Variants in TMEM242 observed in about 807,000 individuals in gnomAD.
TMEM242 encodes transmembrane protein 242.
In TMEM242, 10 loss-of-function variants were observed where a neutral mutation model predicts 18.2. That is an observed-to-expected ratio of 0.55 (90% CI 0.34 to 0.93). The LOEUF (loss-of-function observed/expected upper bound fraction) is 0.93, where lower values mean the gene tolerates loss of function less well. Ranked by LOEUF, TMEM242 falls within the 40% of genes least tolerant of loss-of-function variation. TMEM242 has a pLI of 0.02. For missense variants in TMEM242, 186 were observed against 175.5 expected, an observed-to-expected ratio of 1.06 and a Z score of -0.34; for synonymous variants, 57 against 69.9, an observed-to-expected ratio of 0.81 and a Z score of 0.92.
At chr6:157,317,848 G>A (rs1778432594) in intron 3 of TMEM242, among the ~76,000 whole-genome samples, 1 of 152,126 alleles carries the variant, frequency 6.6e-6, no homozygotes, top group African/African-American at 2.4e-5. Context: ...AATCTTTGCT[G>A]ACTTGACCTT....
intron 3 of TMEM242, among the ~76,000 whole-genome samples, chr6:157,297,015 C>T (rs1252313723): frequency 6.6e-6 from 1 of 152,182 alleles, no homozygotes; most frequent in Non-Finnish European, 1.5e-5. Flanking sequence ...ATGTTATTCT[C>T]GTTCACATTT....
rs1386879414 is a variant in TMEM242 at position 157,289,095 on chromosome 6, G to A, written c.*3806C>T. On this transcript the variant is annotated 3_prime_UTR_variant, in exon 4 of 4. Coordinates refer to ENST00000400788, the MANE Select transcript of TMEM242 (RefSeq NM_018452.6). ...GTAAGGGATCATGCCTCATCAAACAGTAATGAAACAAAGGCCTCGAGCCAG... is the reference window on the plus strand; with the variant it reads ...GTAAGGGATCATGCCTCATCAAACAATAATGAAACAAAGGCCTCGAGCCAG... Among the ~76,000 whole-genome samples, 2 of 148,074 alleles carry A rather than the reference G, an allele frequency of 1.4e-5. No homozygotes were observed. The highest frequency in any genetic ancestry group is 3.0e-5 in the Non-Finnish European group (2 of 67,536).
chr6:157,317,969 T>C (rs1485266896), intron 3 of TMEM242, among the ~76,000 whole-genome samples: 1 of 152,188 alleles, frequency 6.6e-6, no homozygotes, highest in Non-Finnish European at 1.5e-5. Context: ...TCCAACCAGT[T>C]GTTTAAAAAA....
chr6:157,289,369 A>G lies in TMEM242; in HGVS notation c.*3532T>C, dbSNP rs782663708. ...GCCTTGGGCAATTAATCCTGATAAC[A>G]CCAAGAGAGACCCAAATACTTGCTA... On this transcript the variant is annotated 3_prime_UTR_variant, in exon 4 of 4. Coordinates refer to ENST00000400788, the MANE Select transcript of TMEM242 (RefSeq NM_018452.6). The G allele has an allele frequency of 6.6e-6, 1 of 152,204 alleles. No individual in the cohort carries two copies. Among genetic ancestry groups the G allele is most frequent in the Non-Finnish European group, 1.5e-5 (1 of 68,036 alleles). The allele number at this position is 152,204 out of a possible 1,614,324, so 9.4% of individuals were successfully genotyped here.
intron 3 of TMEM242, chr6:157,299,753 G>A: frequency 8.1e-6 from 13 of 1,601,474 alleles, no homozygotes; most frequent in Non-Finnish European, 1.1e-5. Flanking sequence ...GGAGTTTGCT[G>A]TGACAAGGTA....
At chr6:157,308,305 C>A (rs1777943170) in intron 3 of TMEM242, among the ~76,000 whole-genome samples, 1 of 152,042 alleles carries the variant, frequency 6.6e-6, no homozygotes, top group African/African-American at 2.4e-5. Flanking sequence ...AGCAAGGAGC[C>A]AAAAGAAATT....
intron 3 of TMEM242, among the ~76,000 whole-genome samples, chr6:157,295,987 A>G (rs782440500): frequency 5.9e-5 from 9 of 152,228 alleles, no homozygotes; most frequent in Non-Finnish European, 1.2e-4. Context: ...GTTTCCACCT[A>G]TATCAATTTC....
chr6:157,299,305 T>A (rs1777793917), intron 3 of TMEM242: 1 of 815,128 alleles, frequency 1.2e-6, no homozygotes, highest in African/African-American at 1.7e-5. Flanking sequence ...TCATAGGCAC[T>A]AGCAATCACT....
chr6:157,317,184 C>G (rs1554250414), intron 3 of TMEM242, among the ~76,000 whole-genome samples: 2 of 152,162 alleles, frequency 1.3e-5, no homozygotes, highest in African/African-American at 4.8e-5. Flanking sequence ...GACCCCATTT[C>G]CTTCCTTCAC....
intron 3 of TMEM242, among the ~76,000 whole-genome samples, chr6:157,297,768 A>G (rs1228711837): frequency 6.6e-6 from 1 of 152,216 alleles, no homozygotes; most frequent in Non-Finnish European, 1.5e-5. Context: ...TTTTGTTGCT[A>G]TCCACATGGA....
intron 3 of TMEM242, among the ~76,000 whole-genome samples, chr6:157,308,548 A>G (rs1461464342): frequency 6.6e-6 from 1 of 152,216 alleles, no homozygotes; most frequent in Non-Finnish European, 1.5e-5. Flanking sequence ...CATATTTAAA[A>G]TATATCTGTT....
chr6:157,314,381 T>A (rs1242591747), intron 3 of TMEM242, among the ~76,000 whole-genome samples: 1 of 128 alleles, frequency 7.8e-3, no homozygotes, highest in African/African-American at 0.026. Flanking sequence ...CCCATGATCA[T>A]GTACACAGCT....
intron 3 of TMEM242, among the ~76,000 whole-genome samples, chr6:157,296,874 T>C (rs1241389373): frequency 2.6e-5 from 4 of 152,172 alleles, no homozygotes; most frequent in Admixed American, 2.0e-4. Flanking sequence ...CCATCTGAGG[T>C]AGTAGTGCTC....
rs1778493465 is a variant in TMEM242 at position 157,321,283 on chromosome 6, C to CA, written c.189+1421dup. On this transcript the variant is annotated intron_variant, in intron 2 of 3. Transcript: ENST00000400788. The stretch of plus-strand genomic sequence containing the variant: ...TTGGCCTCCCTAAGTGCTGGGATTA[C>CA]AAGCGTGAGCCACCTCGCCCGGCCT... 3.3e-5 allele frequency among the ~76,000 whole-genome samples: 5 copies of CA among 152,282 alleles called. No homozygotes were observed. In the South Asian group the frequency reaches 1.0e-3, roughly 32 times the overall value.
intron 3 of TMEM242, among the ~76,000 whole-genome samples, chr6:157,311,392 C>CCGGCCTCATCA (rs1778084044): frequency 1.4e-5 from 1 of 70,248 alleles, no homozygotes; most frequent in East Asian, 4.9e-4. Context: ...GTGCGCTCAC[C>CCGGCCTCATCA]TAGCCTCATC....
At chr6:157,322,617 G>T (rs587724420) in intron 2 of TMEM242, 88 bp downstream of exon 2, 4 of 1,076,428 alleles carry the variant, frequency 3.7e-6, no homozygotes, top group Non-Finnish European at 5.4e-6. Context: ...CAATGTGAAA[G>T]ACCATCAATA....
At chr6:157,315,363 A>C (rs1275949607) in intron 3 of TMEM242, among the ~76,000 whole-genome samples, 1 of 152,210 alleles carries the variant, frequency 6.6e-6, no homozygotes, top group Non-Finnish European at 1.5e-5. Flanking sequence ...GAATGAACAA[A>C]CCAGCAAATT....
rs138738769 is a variant in TMEM242 at position 157,296,512 on chromosome 6, G to A, written c.328-3513C>T. Among the ~76,000 whole-genome samples the A allele has an allele frequency of 4.8e-4, 73 of 152,238 alleles. 2 individuals carry two copies. In the South Asian group the frequency reaches 0.011, roughly 23 times the overall value. ...GACCTGGCCAACGTGGTAAAATCCC[G>A]TCTCTACTAAAAATACAAAAATTAG... On this transcript the variant is annotated intron_variant, in intron 3 of 3. Coordinates refer to ENST00000400788, the MANE Select transcript of TMEM242 (RefSeq NM_018452.6).
chr6:157,306,881 T>G (rs1777924357), intron 3 of TMEM242, among the ~76,000 whole-genome samples: 1 of 152,122 alleles, frequency 6.6e-6, no homozygotes, highest in Non-Finnish European at 1.5e-5. Flanking sequence ...ACATGATAAG[T>G]TATGTTCAGC....
Sources: allele counts gnomAD v4.1 joint callset (sites outside exome capture counted in the v4.1 genomes callset), GRCh38; gene constraint gnomAD v4.1.1; transcripts MANE v1.5; gene names NCBI Gene and HGNC (gene_info 2026-07-23, HGNC 2026-07-21).